FDFT1: variants seen among roughly 807,000 people sequenced by gnomAD.
The protein encoded by FDFT1 is squalene synthase.
A neutral mutation model predicts 46.8 loss-of-function variants in FDFT1; 68 were observed. The observed-to-expected ratio is 1.45, with a 90% CI of 1.19 to 1.78. The LOEUF (loss-of-function observed/expected upper bound fraction) is 1.78, where lower values mean the gene tolerates loss of function less well. Ranked by LOEUF, FDFT1 falls within the 40% of genes most tolerant of loss-of-function variation. The pLI is 0.00. For synonymous variants in FDFT1, 351 were observed against 185.1 expected (o/e 1.90, Z -7.28); for missense variants, 928 against 524.4 (o/e 1.77, Z -7.52).
At position 11,809,302 on chromosome 8, in the gene FDFT1, G is replaced by A. The variant is rs528727136; in HGVS notation, c.198-365G>A. The A allele has an allele frequency of 5.5e-6, 6 of 1,089,362 alleles. No individual in the cohort carries two copies. In the African/African-American group the frequency reaches 6.6e-5, roughly 12 times the overall value. The allele number at this position is 1,089,362 out of a possible 1,614,324, so 67.5% of individuals were successfully genotyped here. On this transcript the variant is annotated intron_variant, in intron 2 of 7. Coordinates refer to ENST00000220584, the MANE Select transcript of FDFT1 (RefSeq NM_004462.5). ...AGACCAGTTGCCTTTATGTATGATC[G>A]TATTTATACTGAGAAGTTACTGTGT...
At chr8:11,830,745 G>A (rs1047473874) in intron 6 of FDFT1, among the ~76,000 whole-genome samples, 2 of 152,122 alleles carry the variant, frequency 1.3e-5, no homozygotes, top group Non-Finnish European at 2.9e-5. Context: ...GTAAAACCTG[G>A]GTGAAGCTGT....
At chr8:11,811,488 A>G (rs1432692333) in intron 3 of FDFT1, among the ~76,000 whole-genome samples, 2 of 152,240 alleles carry the variant, frequency 1.3e-5, no homozygotes, top group Non-Finnish European at 2.9e-5. Context: ...AAGTGAGGGA[A>G]TATGAAAGTG....
chr8:11,801,208 G>A (rs1381893343), upstream of FDFT1, among the ~76,000 whole-genome samples: 1 of 152,184 alleles, frequency 6.6e-6, no homozygotes, highest in East Asian at 1.9e-4. Flanking sequence ...AAGAGATGGA[G>A]GCCAGAGAGG....
chr8:11,823,839 G>C (rs969067998), intron 4 of FDFT1, among the ~76,000 whole-genome samples: 1 of 152,126 alleles, frequency 6.6e-6, no homozygotes, highest in Non-Finnish European at 1.5e-5. Context: ...CACCTCCTGT[G>C]CTCAAGCAGT....
intron 1 of FDFT1, chr8:11,803,777 G>A (rs557515057): frequency 5.6e-6 from 1 of 178,118 alleles, no homozygotes; most frequent in Admixed American, 5.6e-5. Flanking sequence ...CTTTCTTTCA[G>A]TGTCCATGTG....
chr8:11,796,266 G>C (rs951379673), intron 1 of FDFT1, among the ~76,000 whole-genome samples: 3 of 152,178 alleles, frequency 2.0e-5, no homozygotes, highest in African/African-American at 7.2e-5. Flanking sequence ...TGACTGGACT[G>C]TTTGTGTTCT....
At chr8:11,800,636 T>C (rs575598272), upstream of FDFT1, among the ~76,000 whole-genome samples, 5 of 152,338 alleles carry the variant, frequency 3.3e-5, no homozygotes, top group Admixed American at 3.3e-4. Context: ...TGGACCACTA[T>C]AAGCATGCCA....
intron 4 of FDFT1, among the ~76,000 whole-genome samples, chr8:11,823,690 C>G (rs148148092): frequency 2.6e-5 from 4 of 152,168 alleles, no homozygotes; most frequent in Non-Finnish European, 5.9e-5. Flanking sequence ...TGCCCTCAGC[C>G]TCCTGAGTAA....
intron 3 of FDFT1, among the ~76,000 whole-genome samples, chr8:11,811,194 G>C (rs1181820122): frequency 1.3e-5 from 2 of 152,198 alleles, no homozygotes; most frequent in Non-Finnish European, 2.9e-5. Flanking sequence ...ACTCTCACAG[G>C]ACACCTGATG....
chr8:11,801,664 C>A (rs903672308), upstream of FDFT1: 33 of 288,136 alleles, frequency 1.1e-4, no homozygotes, highest in Non-Finnish European at 2.1e-4. Flanking sequence ...TGTGTTAAAA[C>A]AGACTGCAGG....
intron 7 of FDFT1, among the ~76,000 whole-genome samples, chr8:11,832,576 A>AAAAAAAAAAAAAAAAAAAAAT (rs139242873): frequency 5.9e-5 from 8 of 134,888 alleles, no homozygotes; most frequent in Non-Finnish European, 1.1e-4. Context: ...AAAAAAAAAA[A>AAAAAAAAAAAAAAAAAAAAAT]GTCTTAGAGA....
At chr8:11,834,415 C>T (rs551545026) in intron 7 of FDFT1, among the ~76,000 whole-genome samples, 1 of 152,306 alleles carries the variant, frequency 6.6e-6, no homozygotes, top group Non-Finnish European at 1.5e-5. Context: ...AAAGTGAATT[C>T]CTTGGCAGGG....
At position 11,803,379 on chromosome 8, in the gene FDFT1, C is replaced by A. The variant is rs139266749; in HGVS notation, c.99+448C>A. On this transcript the variant is annotated intron_variant, in intron 1 of 7. Coordinates refer to ENST00000220584, the MANE Select transcript of FDFT1 (RefSeq NM_004462.5). Reference sequence around the variant, plus strand: ...AGTCTGACTCCTCCAGTTTCACCACCTCTTCCGGAGCTCTCCCCGCCTTGC... The same window carrying A: ...AGTCTGACTCCTCCAGTTTCACCACATCTTCCGGAGCTCTCCCCGCCTTGC... 1.3e-4 allele frequency: 172 copies of A among 1,289,872 alleles called. No individual in the cohort carries two copies. The African/African-American group carries it at 2.5e-3, about 19-fold the overall frequency. The allele number at this position is 1,289,872 out of a possible 1,614,324, so 79.9% of individuals were successfully genotyped here.
intron 1 of FDFT1, 92 bp downstream of exon 1, chr8:11,803,023 G>C (rs759750117): frequency 4.0e-6 from 6 of 1,507,052 alleles, no homozygotes; most frequent in Non-Finnish European, 5.3e-6. Context: ...TCTGGGGCAA[G>C]GGGCGCGGCG....
At chr8:11,819,445 T>C (rs1036411688) in intron 3 of FDFT1, among the ~76,000 whole-genome samples, 3 of 151,974 alleles carry the variant, frequency 2.0e-5, no homozygotes, top group Non-Finnish European at 4.4e-5. Flanking sequence ...AAGAGTGTTT[T>C]GTAACTTGGT....
intron 7 of FDFT1, among the ~76,000 whole-genome samples, chr8:11,837,978 A>C (rs1445182617): frequency 1.3e-5 from 2 of 152,120 alleles, no homozygotes; most frequent in Non-Finnish European, 2.9e-5. Flanking sequence ...TGCGTGTTCC[A>C]TCTTGTTTCT....
chr8:11,818,919 C>G (rs546405245), intron 3 of FDFT1, among the ~76,000 whole-genome samples: 1 of 152,170 alleles, frequency 6.6e-6, no homozygotes, highest in Non-Finnish European at 1.5e-5. Flanking sequence ...TTATTTTGCC[C>G]ATTAATTGAT....
At chr8:11,823,724 C>T (rs1374738531) in intron 4 of FDFT1, among the ~76,000 whole-genome samples, 1 of 151,978 alleles carries the variant, frequency 6.6e-6, no homozygotes, top group East Asian at 1.9e-4. Context: ...CACGTTGCCA[C>T]CATGCCTGGC....
At chr8:11,797,434 G>A (rs1399712218), upstream of FDFT1, among the ~76,000 whole-genome samples, 2 of 152,088 alleles carry the variant, frequency 1.3e-5, no homozygotes, top group African/African-American at 2.4e-5. Flanking sequence ...TGCATTGTAA[G>A]CTCCTTGGGT....
Sources: gnomAD v4.1 joint callset for allele counts (sites outside exome capture counted in the v4.1 genomes callset) on GRCh38, gnomAD v4.1.1 for gene constraint, MANE v1.5 for transcripts, NCBI Gene and HGNC (gene_info 2026-07-23, HGNC 2026-07-21) for gene names.